KIF6: variants seen among roughly 807,000 people sequenced by gnomAD.
The protein encoded by KIF6 is kinesin-like protein KIF6.
Under a neutral mutation model 112.7 loss-of-function variants are expected in KIF6, and 106 were observed. That is an observed-to-expected ratio of 0.94 (90% CI 0.80 to 1.11). KIF6 has a LOEUF of 1.11. Ranked by LOEUF, KIF6 falls within the 50% of genes least tolerant of loss-of-function variation. The pLI is 0.00. For synonymous variants in KIF6, 339 were observed against 339.9 expected, an observed-to-expected ratio of 1.00 and a Z score of 0.03; for missense variants, 929 against 964.0, an observed-to-expected ratio of 0.96 and a Z score of 0.48.
At chr6:39,541,619 C>T (rs544894899) in intron 12 of KIF6, among the ~76,000 whole-genome samples, 15 of 152,304 alleles carry the variant, frequency 9.8e-5, no homozygotes, top group Non-Finnish European at 1.2e-4. Context: ...CTTGCTCTCA[C>T]GAAGCAGACG....
intron 10 of KIF6, among the ~76,000 whole-genome samples, chr6:39,561,512 C>T (rs920399747): frequency 2.6e-5 from 4 of 151,788 alleles, no homozygotes; most frequent in African/African-American, 7.3e-5. Flanking sequence ...TCACCACGCC[C>T]GGTTAATTTT....
chr6:39,534,775 T>C (rs1450564515), intron 13 of KIF6, among the ~76,000 whole-genome samples: 4 of 151,940 alleles, frequency 2.6e-5, no homozygotes, highest in African/African-American at 7.3e-5. Flanking sequence ...TTCACCAAAG[T>C]TGAAATGAAG....
chr6:39,375,640 T>C (rs1011742024), intron 16 of KIF6, among the ~76,000 whole-genome samples: 3 of 152,148 alleles, frequency 2.0e-5, no homozygotes, highest in Admixed American at 2.0e-4. Context: ...GACTTACTTT[T>C]TTGGCTGCCC....
intron 3 of KIF6, among the ~76,000 whole-genome samples, chr6:39,684,769 G>T (rs572776717): frequency 2.0e-5 from 3 of 151,190 alleles, no homozygotes; most frequent in Admixed American, 2.0e-4. Flanking sequence ...CAGCCTGGGT[G>T]TAAGAGTGAA....
At chr6:39,663,986 T>C (rs909024421) in intron 3 of KIF6, among the ~76,000 whole-genome samples, 4 of 152,066 alleles carry the variant, frequency 2.6e-5, no homozygotes, top group Non-Finnish European at 2.9e-5. Flanking sequence ...CTAGTACTTA[T>C]ATGTATTAAG....
At chr6:39,481,503 C>A (rs1029588624) in intron 13 of KIF6, among the ~76,000 whole-genome samples, 29 of 152,150 alleles carry the variant, frequency 1.9e-4, no homozygotes, top group African/African-American at 7.0e-4. Flanking sequence ...TACATAAGAG[C>A]CTTTTAAACG....
At chr6:39,460,375 G>A (rs1454419426) in intron 13 of KIF6, among the ~76,000 whole-genome samples, 2 of 94,642 alleles carry the variant, frequency 2.1e-5, no homozygotes, top group African/African-American at 9.1e-5. Flanking sequence ...GGACTGTGGT[G>A]GGGTGGGGGG....
At chr6:39,410,878 C>T (rs1360261590) in intron 15 of KIF6, among the ~76,000 whole-genome samples, 1 of 152,176 alleles carries the variant, frequency 6.6e-6, no homozygotes, top group Non-Finnish European at 1.5e-5. Context: ...AGAGAGCTTC[C>T]TCCCCTTTGC....
At chr6:39,604,309 T>C (rs867095043) in intron 6 of KIF6, among the ~76,000 whole-genome samples, 1 of 152,178 alleles carries the variant, frequency 6.6e-6, no homozygotes, top group African/African-American at 2.4e-5. Flanking sequence ...TCTTCCCATA[T>C]TAAATGAATT....
intron 10 of KIF6, among the ~76,000 whole-genome samples, chr6:39,575,416 G>A (rs11758744): frequency 0.017 from 2,510 of 151,808 alleles, 28 homozygotes; most frequent in Non-Finnish European, 0.024. Context: ...GACTACAGGC[G>A]CCCGCCACCA....
At chr6:39,498,130 A>G (rs1380171580) in intron 13 of KIF6, among the ~76,000 whole-genome samples, 4 of 152,118 alleles carry the variant, frequency 2.6e-5, no homozygotes, top group African/African-American at 9.7e-5. Context: ...ATGGGCCTAT[A>G]CAGAGACCAA....
At chr6:39,516,381 CATT>C (rs1282671286) in intron 13 of KIF6, among the ~76,000 whole-genome samples, 2 of 147,954 alleles carry the variant, frequency 1.4e-5, no homozygotes, top group Non-Finnish European at 3.0e-5. Flanking sequence ...AATATATAAT[CATT>C]ATATCTTATG....
intron 3 of KIF6, among the ~76,000 whole-genome samples, chr6:39,641,862 C>CCCTA (rs1231153576): frequency 5.3e-5 from 8 of 152,100 alleles, no homozygotes; most frequent in Non-Finnish European, 1.0e-4. Flanking sequence ...TATGTGCTCC[C>CCCTA]CCTACCCCCA....
chr6:39,355,839 T>C (rs10947808), intron 19 of KIF6, among the ~76,000 whole-genome samples: 49,039 of 151,580 alleles, frequency 0.32, 11,429 homozygotes, highest in African/African-American at 0.67. Context: ...GGAAAGATAG[T>C]GCATGGAGAT....
chr6:39,377,366 C>T (rs1445335087), intron 16 of KIF6, among the ~76,000 whole-genome samples: 1 of 151,216 alleles, frequency 6.6e-6, no homozygotes, highest in Non-Finnish European at 1.5e-5. Flanking sequence ...CCCCATCCCC[C>T]CCCAACCCCG....
At chr6:39,503,294 G>A (rs1278063424) in intron 13 of KIF6, among the ~76,000 whole-genome samples, 1 of 152,142 alleles carries the variant, frequency 6.6e-6, no homozygotes, top group Non-Finnish European at 1.5e-5. Flanking sequence ...TGAAACTAAT[G>A]AGAACAAAGA....
chr6:39,600,860 G>A (rs1782529413), intron 6 of KIF6, among the ~76,000 whole-genome samples: 2 of 152,098 alleles, frequency 1.3e-5, no homozygotes, highest in African/African-American at 4.8e-5. Context: ...ACTTACTAGT[G>A]TTAAAAGCTT....
intron 5 of KIF6, among the ~76,000 whole-genome samples, chr6:39,618,096 A>G (rs556234350): frequency 6.6e-6 from 1 of 152,314 alleles, no homozygotes; most frequent in African/African-American, 2.4e-5. Context: ...ACTTTCTAAA[A>G]GGTTTCTTTG....
At position 39,343,865 on chromosome 6, in the gene KIF6, C is replaced by T; in HGVS notation, c.2322-50G>A. The T allele has an allele frequency of 1.8e-6, 2 of 1,094,456 alleles. No individual in the cohort carries two copies. The highest frequency in any genetic ancestry group is 1.5e-5 in the South Asian group (1 of 67,174). 67.8% of individuals were successfully genotyped at this position (1,094,456 alleles called of 1,614,324 possible). A position where few individuals can be genotyped will look rare whatever the true frequency, so the allele number is the denominator to read the frequency against. On this transcript the variant is annotated intron_variant, in intron 21 of 22. Transcript: ENST00000287152. This position sits in a 1 kb window ranked among gnomAD's most constrained non-coding sequence, Gnocchi z 4.1. The stretch of plus-strand genomic sequence containing the variant: ...TTACTACACTTTACAACTGGACTCA[C>T]CACTTATATTTCCAAAATGCTTTTC...
Sources: gnomAD v4.1 joint callset for allele counts (sites outside exome capture counted in the v4.1 genomes callset) on GRCh38, gnomAD v4.1.1 for gene constraint, Gnocchi (gnomAD v3.1) non-coding constraint, MANE v1.5 for transcripts, NCBI Gene and HGNC (gene_info 2026-07-23, HGNC 2026-07-21) for gene names.